Variants in LRTM3 observed in about 807,000 individuals in gnomAD.
LRTM3 encodes leucine rich repeat transmembrane protein 3.
chr13:102,754,344 C>G, the LRTM3 span, among the ~76,000 whole-genome samples: 2 of 151,846 alleles, frequency 1.3e-5, no homozygotes, highest in Admixed American at 1.3e-4. Context: ...ATGTCACCTC[C>G]TGACATATAA....
the LRTM3 span, chr13:102,734,199 T>G: frequency 4.8e-5 from 75 of 1,551,336 alleles, no homozygotes; most frequent in Non-Finnish European, 5.9e-5. Flanking sequence ...TCTATCGTTT[T>G]CACTTCATGC....
chr13:102,736,495 T>A, the LRTM3 span: 2 of 1,551,158 alleles, frequency 1.3e-6, no homozygotes, highest in Non-Finnish European at 1.7e-6. Context: ...CTGTTTGCCT[T>A]GAAGGCAATG....
the LRTM3 span, chr13:102,735,312 CA>C: frequency 6.4e-7 from 1 of 1,551,226 alleles, no homozygotes; most frequent in Non-Finnish European, 8.7e-7. Context: ...TGCTTTACAT[CA>C]CTTGAAAGTT....
chr13:102,747,787 C>T, the LRTM3 span: 1 of 1,551,192 alleles, frequency 6.4e-7, no homozygotes, highest in Non-Finnish European at 8.7e-7. Context: ...ATGGACTATT[C>T]TCCAAAATAG....
chr13:102,739,681 TTTCATATCCA>T, the LRTM3 span: 15 of 1,550,400 alleles, frequency 9.7e-6, no homozygotes, highest in Non-Finnish European at 1.3e-5. Context: ...TTTTTATTCT[TTTCATATCCA>T]TTGCTTTTAC....
chr13:102,747,870 G>T, the LRTM3 span: 1 of 1,551,326 alleles, frequency 6.4e-7, no homozygotes, highest in Non-Finnish European at 8.7e-7. Flanking sequence ...GAACTGATCT[G>T]TTCCATTTGG....
the LRTM3 span, chr13:102,742,695 C>A: frequency 2.6e-6 from 4 of 1,550,538 alleles, no homozygotes; most frequent in African/African-American, 5.5e-5. Flanking sequence ...GATTGCTTTG[C>A]CTGCAAAGGT....
At chr13:102,744,728 A>G in the LRTM3 span, 4 of 1,550,618 alleles carry the variant, frequency 2.6e-6, no homozygotes, top group Non-Finnish European at 3.5e-6. Flanking sequence ...CATTTTTTGA[A>G]TATTTTTATC....
At chr13:102,748,793 G>C in the LRTM3 span, 2 of 1,550,524 alleles carry the variant, frequency 1.3e-6, no homozygotes. Context: ...TAGTTGAACA[G>C]TGTTGACCAT....
the LRTM3 span, chr13:102,732,181 A>G: frequency 3.9e-6 from 6 of 1,551,364 alleles, no homozygotes; most frequent in Admixed American, 7.8e-5. Context: ...CCTGGAATTT[A>G]GGAAGACAGA....
At chr13:102,750,300 G>T in the LRTM3 span, 8 of 1,545,934 alleles carry the variant, frequency 5.2e-6, no homozygotes, top group African/African-American at 6.9e-5. Flanking sequence ...AGTATTTCAC[G>T]TGAGAATAAA....
chr13:102,746,712 GTAAAT>G, the LRTM3 span: 1 of 1,551,090 alleles, frequency 6.4e-7, no homozygotes, highest in Non-Finnish European at 8.7e-7. Context: ...GAAGTTGCTG[GTAAAT>G]CTTTTGGTAT....
the LRTM3 span, among the ~76,000 whole-genome samples, chr13:102,755,569 T>A: frequency 6.6e-6 from 1 of 152,036 alleles, no homozygotes; most frequent in South Asian, 2.1e-4. Flanking sequence ...AAACACCGCA[T>A]GTTCTCACTC....
At chr13:102,758,989 G>T in the LRTM3 span, 1 of 1,093,042 alleles carries the variant, frequency 9.1e-7, no homozygotes, top group African/African-American at 1.6e-5. Context: ...TGATTTCAGA[G>T]GCCCTGAAAT....
chr13:102,749,166 G>C, the LRTM3 span: 3 of 1,550,546 alleles, frequency 1.9e-6, no homozygotes, highest in South Asian at 3.6e-5. Flanking sequence ...TTTAAAGTGT[G>C]ACATACTGTG....
the LRTM3 span, chr13:102,738,272 G>T: frequency 6.4e-7 from 1 of 1,550,672 alleles, no homozygotes; most frequent in Non-Finnish European, 8.7e-7. Flanking sequence ...TACTTTGATT[G>T]TGATATCACC....
chr13:102,746,513 G>T, the LRTM3 span: 1 of 1,550,958 alleles, frequency 6.4e-7, no homozygotes, highest in South Asian at 1.2e-5. Context: ...TTTAAACTTA[G>T]TCTTAAAGTC....
At chr13:102,736,726 T>C in the LRTM3 span, 2 of 1,550,540 alleles carry the variant, frequency 1.3e-6, no homozygotes, top group Non-Finnish European at 1.7e-6. Context: ...AAAGGGGTGA[T>C]TTCTCTGCCT....
chr13:102,731,850 T>C, the LRTM3 span: 14 of 1,550,052 alleles, frequency 9.0e-6, no homozygotes, highest in Middle Eastern at 1.7e-4. Flanking sequence ...TCTTCAAGCA[T>C]AGATGGACAC....
Sources: gnomAD v4.1 joint callset for allele counts (sites outside exome capture counted in the v4.1 genomes callset) on GRCh38, gnomAD v4.1.1 for gene constraint, MANE v1.5 for transcripts, NCBI Gene and HGNC (gene_info 2026-07-23, HGNC 2026-07-21) for gene names.